The following ATP6AP1 variants were observed in gnomAD, a reference collection of about 807,000 sequenced individuals.
ATP6AP1 encodes V-type proton ATPase subunit S1.
In ATP6AP1, 1 loss-of-function variant was observed where a neutral mutation model predicts 32.0. The observed-to-expected ratio is 0.03, with a 90% CI of 0.01 to 0.15. ATP6AP1 has a LOEUF of 0.15. ATP6AP1 is among the 10% of genes least tolerant of loss of function. The probability of loss-of-function intolerance (pLI) is 1.00; values close to 1 mark genes in which losing one functional copy is unlikely to be tolerated. For missense variants in ATP6AP1, 297 were observed against 398.8 expected (o/e 0.74, Z 2.17); for synonymous variants, 187 against 174.9 (o/e 1.07, Z -0.55).
rs1302676187 is a variant in ATP6AP1, at chrX:154,434,248, G to A, written c.725G>A (p.Arg242His). Residue 242 changes from arginine (R) to histidine (H), a missense_variant, in exon 7 of 10, where the codon CGC becomes CAC. Arg to His is a conservative substitution (Grantham distance 29). Around this residue, in one of 2 missense-constraint regions of ATP6AP1, gnomAD observed 155 missense variants for 253.8 expected, o/e 0.61. Coordinates refer to ENST00000369762, the MANE Select transcript of ATP6AP1 (RefSeq NM_001183.6). Reference protein sequence around the residue: ...DVAVVAGGLGRQLLQKQPVSP... With the variant: ...DVAVVAGGLGHQLLQKQPVSP... ...GCCGTGGTGGCCGGAGGGCTAGGTC[G>A]CCAGCTGCTACAAAAACAGCCAGTA... 1.4e-5 allele frequency: 17 copies of A among 1,209,751 alleles called. No homozygotes were observed. Among genetic ancestry groups the A allele is most frequent in the Non-Finnish European group, 1.8e-5 (16 of 895,097 alleles).
At chrX:154,433,052 G>A (rs1160422820) in intron 5 of ATP6AP1, 81 bp downstream of exon 5, 8 of 1,102,674 alleles carry the variant, frequency 7.3e-6, no homozygotes, top group South Asian at 3.8e-5. Flanking sequence ...GCAGTTCCTC[G>A]GCCTCCTCAC....
At chrX:154,433,907 G>A (rs1003302630) in intron 6 of ATP6AP1, among the ~76,000 whole-genome samples, 187 bp downstream of exon 6, 4 of 111,786 alleles carry the variant, frequency 3.6e-5, no homozygotes, top group Non-Finnish European at 7.5e-5. Flanking sequence ...GGGCTAGGAT[G>A]AGCACTCAAG....
At chrX:154,429,211 GGAGGCA>G (rs1557196401) in intron 2 of ATP6AP1, 37 bp downstream of exon 2, 1 of 1,204,494 alleles carries the variant, frequency 8.3e-7, no homozygotes, top group Non-Finnish European at 1.1e-6. Context: ...CCGGTCATCG[GGAGGCA>G]GCCAGGCCCC....
chrX:154,432,897 C>T (rs1557197065), intron 4 of ATP6AP1, 34 bp from the exon 5 acceptor site: 1 of 1,210,834 alleles, frequency 8.3e-7, no homozygotes. Context: ...TCCAGGCCGC[C>T]TGAGGACTCT....
chrX:154,432,239 C>T, intron 3 of ATP6AP1, 27 bp from the exon 4 acceptor site: 1 of 1,166,194 alleles, frequency 8.6e-7, no homozygotes, highest in Non-Finnish European at 1.2e-6. Flanking sequence ...CTGGCTAACT[C>T]ACCTTTTGCC....
intron 4 of ATP6AP1, 109 bp from the exon 5 acceptor site, chrX:154,432,822 G>C (rs1194001706): frequency 1.1e-6 from 1 of 950,557 alleles, no homozygotes; most frequent in Admixed American, 2.3e-5. Flanking sequence ...GAGTGTGCAG[G>C]CTTGGTGCGT....
intron 6 of ATP6AP1, 41 bp from the exon 7 acceptor site, chrX:154,434,167 C>G: frequency 8.5e-7 from 1 of 1,177,905 alleles, no homozygotes; most frequent in South Asian, 1.8e-5. Flanking sequence ...GTGACACTCT[C>G]CCAGGGCTGC....
intron 7 of ATP6AP1, 36 bp from the exon 8 acceptor site, chrX:154,435,103 G>C (rs782375587): frequency 8.4e-7 from 1 of 1,196,401 alleles, no homozygotes; most frequent in African/African-American, 1.8e-5. Context: ...GGCCCTCCCA[G>C]AGCCTCACAG....
intron 7 of ATP6AP1, among the ~76,000 whole-genome samples, 181 bp from the exon 8 acceptor site, chrX:154,434,958 C>T (rs1294125801): frequency 3.6e-5 from 4 of 111,795 alleles, no homozygotes; most frequent in East Asian, 2.8e-4. Flanking sequence ...AGCTCTGTTC[C>T]GACCTTGCAA....
rs369182392 is a variant in ATP6AP1, at chrX:154,435,662, C to T, written c.1204-20C>T. On this transcript the variant is annotated intron_variant, in intron 9 of 9. Coordinates refer to ENST00000369762, the MANE Select transcript of ATP6AP1 (RefSeq NM_001183.6). ...GGCCTCCCAACGGTCCTTTCTGACC[C>T]GTGTCTGTGTGTCTGCCAGATCCAG... The T allele has an allele frequency of 8.8e-5, 106 of 1,207,148 alleles. No homozygotes were observed. Among genetic ancestry groups the T allele is most frequent in the East Asian group, 2.4e-4 (8 of 33,779 alleles).
At position 154,428,706 on chromosome X, in the gene ATP6AP1, T is replaced by A. The variant is rs1557196211; in HGVS notation, c.14T>A (p.Met5Lys). ...GAGGCTGAGGCTATGATGGCGGCCA[T>A]GGCGACGGCTCGAGTGCGGATGGGG... MMAA[M>K]ATARVRMGPR... is the part of the protein sequence containing the mutation. The change falls in exon 1 of 10, where the codon ATG becomes AAG. Residue 5 changes from methionine to lysine, a missense_variant. Transcript: ENST00000369762. 8.7e-7 allele frequency: 1 copy of A among 1,149,320 alleles called. No homozygotes were observed. The highest frequency in any genetic ancestry group is 1.2e-6 in the Non-Finnish European group (1 of 868,553). The allele number at this position is 1,149,320 out of a possible 1,213,427, so 94.7% of individuals were successfully genotyped here. A position where few individuals can be genotyped will look rare whatever the true frequency, so the allele number is the denominator to read the frequency against.
rs782511049 is a variant in ATP6AP1, at chrX:154,436,108, A to T, written c.*217A>T. ...TGTACATATTCTGCGTAGATGCTAG[A>T]CCAACCAGCTTCCCAGGGTTCGTCG... On this transcript the variant is annotated 3_prime_UTR_variant, in exon 10 of 10. Coordinates refer to ENST00000369762, the MANE Select transcript of ATP6AP1 (RefSeq NM_001183.6). 18 of 429,046 alleles carry T rather than the reference A, an allele frequency of 4.2e-5. No individual in the cohort carries two copies. The highest frequency in any genetic ancestry group is 6.8e-5 in the Non-Finnish European group (17 of 248,301). The allele number at this position is 429,046 out of a possible 1,213,427, so 35.4% of individuals were successfully genotyped here. A position where few individuals can be genotyped will look rare whatever the true frequency, so the allele number is the denominator to read the frequency against.
Position 154,434,370 on chromosome X carries a change from G to C in ATP6AP1, c.847G>C (p.Glu283Gln). ...CTCTGTGGCGTACAAGGACCAGTGG[G>C]AGGACCTGACTCCCCTCACCTTTGG... Reference protein sequence around the residue: ...NFSVAYKDQWEDLTPLTFGVQ... With the variant: ...NFSVAYKDQWQDLTPLTFGVQ... The change falls in exon 7 of 10, where the codon GAG becomes CAG. Residue 283 changes from glutamate (E) to glutamine (Q), a missense_variant. Physicochemically the swap from Glu to Gln is conservative, Grantham distance 29. Around this residue, in one of 2 missense-constraint regions of ATP6AP1, gnomAD observed 155 missense variants for 253.8 expected, o/e 0.61. Coordinates refer to ENST00000369762, the MANE Select transcript of ATP6AP1 (RefSeq NM_001183.6). 1 of 1,212,176 alleles carries C rather than the reference G, an allele frequency of 8.2e-7. No homozygotes were observed. Among genetic ancestry groups the C allele is most frequent in the African/African-American group, 1.7e-5 (1 of 57,925 alleles).
intron 2 of ATP6AP1, chrX:154,431,369 C>T (rs144911369): frequency 0.015 from 2,128 of 137,415 alleles, 44 homozygotes; most frequent in African/African-American, 0.063. Context: ...TTCTGAGATC[C>T]TCACCTCTCC....
At chrX:154,432,545 C>T in intron 4 of ATP6AP1, 86 bp downstream of exon 4, 1 of 1,066,547 alleles carries the variant, frequency 9.4e-7, no homozygotes, top group African/African-American at 1.9e-5. Context: ...CACCGTTTGG[C>T]TAAAGATGCC....
rs1284056607 is a variant in ATP6AP1 at position 154,436,430 on chromosome X, T to G, written c.*539T>G. On this transcript the variant is annotated 3_prime_UTR_variant, in exon 10 of 10. Transcript: ENST00000369762. Reference sequence around the variant, plus strand: ...TGGGCTGGGTGCGATCGCCGGCTGTTTGGCATGTTCCCACCGGGAGTGCCG... The same window carrying G: ...TGGGCTGGGTGCGATCGCCGGCTGTGTGGCATGTTCCCACCGGGAGTGCCG... 1 of 114,262 alleles carries G rather than the reference T, an allele frequency of 8.8e-6. No homozygotes were observed. The highest frequency in any genetic ancestry group is 1.8e-5 in the Non-Finnish European group (1 of 54,786). The allele number at this position is 114,262 out of a possible 1,213,427, so 9.4% of individuals were successfully genotyped here.
chrX:154,428,960 G>A, intron 1 of ATP6AP1, 88 bp from the exon 2 acceptor site: 3 of 1,165,264 alleles, frequency 2.6e-6, no homozygotes, highest in Non-Finnish European at 3.4e-6. Context: ...ACTGTTCCTT[G>A]CTCGGGGGCT....
Position 154,431,660 on chromosome X carries a change from G to A in ATP6AP1, c.289-170G>A, listed in dbSNP as rs1429207875. The A allele has an allele frequency of 8.1e-6, 4 of 492,377 alleles. No homozygotes were observed. The East Asian group carries it at 1.4e-4, about 17-fold the overall frequency. 40.6% of individuals were successfully genotyped at this position (492,377 alleles called of 1,213,427 possible). A position where few individuals can be genotyped will look rare whatever the true frequency, so the allele number is the denominator to read the frequency against. On this transcript the variant is annotated intron_variant, in intron 2 of 9. Transcript: ENST00000369762. ...CCTGAGAGTGCTGGAGGGAAGAGGT[G>A]AGTCTCCCACCCCACCCCCACCAAC...
chrX:154,434,319 C>T lies in ATP6AP1; in HGVS notation c.796C>T (p.Arg266Trp). The change falls in exon 7 of 10, where the codon CGG (arginine) becomes TGG (tryptophan). Residue 266 changes from arginine to tryptophan, a missense_variant. Arg to Trp is a moderately radical substitution (Grantham distance 101, BLOSUM62 -3). Coordinates refer to ENST00000369762, the MANE Select transcript of ATP6AP1 (RefSeq NM_001183.6). The part of the protein sequence containing the change: ...PPVSYNDTAP[R>W]ILFWAQNFSV... Reference sequence around the variant, plus strand: ...TGTGAGTTACAATGACACCGCTCCCCGGATCCTGTTCTGGGCCCAAAACTT... The same window carrying T: ...TGTGAGTTACAATGACACCGCTCCCTGGATCCTGTTCTGGGCCCAAAACTT... 1 of 1,211,799 alleles carries T rather than the reference C, an allele frequency of 8.3e-7. No homozygotes were observed. The highest frequency in any genetic ancestry group is 1.1e-6 in the Non-Finnish European group (1 of 895,432).
Sources: gnomAD v4.1 joint callset for allele counts (sites outside exome capture counted in the v4.1 genomes callset) on GRCh38, gnomAD v4.1.1 for gene constraint, gnomAD v4.1.1 regional missense constraint, MANE v1.5 for transcripts, NCBI Gene and HGNC (gene_info 2026-07-23, HGNC 2026-07-21) for gene names.